The following WDR72 variants were observed in gnomAD, a reference collection of about 807,000 sequenced individuals.
The protein encoded by WDR72 is WD repeat domain 72.
WDR72 carries 120 observed loss-of-function variants against 124.2 expected under a neutral mutation model. That is an observed-to-expected ratio of 0.97 (90% CI 0.83 to 1.12). The LOEUF (loss-of-function observed/expected upper bound fraction) is 1.12, where lower values mean the gene tolerates loss of function less well. WDR72 is among the 50% of genes most tolerant of loss of function. The pLI is 0.00. For synonymous variants in WDR72, 452 were observed against 441.7 expected, an observed-to-expected ratio of 1.02 and a Z score of -0.29; for missense variants, 1,387 against 1,278.8, an observed-to-expected ratio of 1.08 and a Z score of -1.29.
chr15:53,705,226 T>C lies in WDR72; in HGVS notation c.1110A>G (p.Pro370=), dbSNP rs745354247. Residue 370 remains proline, a synonymous_variant, in exon 11 of 20, where the codon CCA becomes CCG. Coordinates refer to ENST00000360509, the MANE Select transcript of WDR72 (RefSeq NM_182758.4). The part of the protein sequence containing the change: ...SKFDGSPREI[P]VTATWTLQDN... ...CTTGAAGAGTCCAGGTGGCAGTTAC[T>C]GGTATCTCTAAAAAGAAAACAGACA... 1.2e-6 allele frequency: 2 copies of C among 1,613,106 alleles called. No individual in the cohort carries two copies. Among genetic ancestry groups the C allele is most frequent in the South Asian group, 1.1e-5 (1 of 91,078 alleles).
At chr15:53,633,474 G>A (rs2014507914) in intron 14 of WDR72, among the ~76,000 whole-genome samples, 2 of 152,028 alleles carry the variant, frequency 1.3e-5, no homozygotes, top group Admixed American at 1.3e-4. Context: ...TTACAGCAGT[G>A]AAAAACCAAC....
chr15:53,578,952 T>A (rs2011770358), intron 18 of WDR72, among the ~76,000 whole-genome samples: 1 of 152,048 alleles, frequency 6.6e-6, no homozygotes, highest in Non-Finnish European at 1.5e-5. Context: ...AAAACCCGAT[T>A]TCATAGCTTT....
intron 1 of WDR72, among the ~76,000 whole-genome samples, chr15:53,747,374 C>T (rs2018668167): frequency 1.3e-5 from 2 of 152,178 alleles, no homozygotes; most frequent in Non-Finnish European, 2.9e-5. Flanking sequence ...CCAACATCAA[C>T]GCCAAGCTCC....
chr15:53,541,744 A>G lies in WDR72; in HGVS notation c.3149-18422T>C, dbSNP rs1389775156. ...AAAGGCAAAGAAGTTGAAAACTTTG[A>G]AAAAAATTTAGAAGAATGTATAACT... On this transcript the variant is annotated intron_variant, in intron 18 of 19. Coordinates refer to ENST00000360509, the MANE Select transcript of WDR72 (RefSeq NM_182758.4). Among the ~76,000 whole-genome samples the G allele has an allele frequency of 3.7e-5, 5 of 136,668 alleles. No individual in the cohort carries two copies. The East Asian group carries it at 1.1e-3, about 29-fold the overall frequency. The allele number at this position is 136,668 out of a possible 152,430, so 89.7% of individuals were successfully genotyped here.
chr15:53,733,191 A>C lies in WDR72; in HGVS notation c.-12-30T>G, dbSNP rs1349160885. On this transcript the variant is annotated intron_variant, in intron 1 of 19. Coordinates refer to ENST00000360509, the MANE Select transcript of WDR72 (RefSeq NM_182758.4). ...CATACAAAGAAGGGAAGAAGCATACATGGTCATCTTTTTGAAATTTGAGGA... is the reference window on the plus strand; with the variant it reads ...CATACAAAGAAGGGAAGAAGCATACCTGGTCATCTTTTTGAAATTTGAGGA... 13 of 1,611,622 alleles carry C rather than the reference A, an allele frequency of 8.1e-6. No individual in the cohort carries two copies. The South Asian group carries it at 1.1e-4, about 14-fold the overall frequency.
chr15:53,742,409 T>A (rs371475104), intron 1 of WDR72, among the ~76,000 whole-genome samples: 1 of 152,178 alleles, frequency 6.6e-6, no homozygotes, highest in African/African-American at 2.4e-5. Flanking sequence ...CTAGACAAGT[T>A]TTAAAGAAGT....
rs369568228 is a variant in WDR72 at position 53,701,559 on chromosome 15, T to TCTCTCTCTCTCTCTCTCTCACACA, written c.1569+574_1569+575insTGTGTGAGAGAGAGAGAGAGAGAG. Among the ~76,000 whole-genome samples, 8 of 120,098 alleles carry TCTCTCTCTCTCTCTCTCTCACACA rather than the reference T, an allele frequency of 6.7e-5. No individual in the cohort carries two copies. In the East Asian group the frequency reaches 1.2e-3, roughly 17 times the overall value. 78.8% of individuals were successfully genotyped at this position (120,098 alleles called of 152,430 possible). A position where few individuals can be genotyped will look rare whatever the true frequency, so the allele number is the denominator to read the frequency against. On this transcript the variant is annotated intron_variant, in intron 12 of 19. Transcript: ENST00000360509. ...CTGTCTCTCTCTCTCTCTCTCTCTC[T>TCTCTCTCTCTCTCTCTCTCACACA]CACACACACACACACACACACACAC...
At chr15:53,697,591 C>T (rs2140515237) in intron 13 of WDR72, among the ~76,000 whole-genome samples, 1 of 152,242 alleles carries the variant, frequency 6.6e-6, no homozygotes, top group African/African-American at 2.4e-5. Context: ...GCTGGAGGCC[C>T]TCACCATCCA....
At chr15:53,747,954 C>T (rs1356019789) in intron 1 of WDR72, among the ~76,000 whole-genome samples, 2 of 150,846 alleles carry the variant, frequency 1.3e-5, no homozygotes, top group Non-Finnish European at 2.9e-5. Context: ...GCTTATACCA[C>T]ATTTAACCCT....
At chr15:53,655,230 C>CAA (rs531072099) in intron 14 of WDR72, among the ~76,000 whole-genome samples, 194 of 54,588 alleles carry the variant, frequency 3.6e-3, no homozygotes, top group African/African-American at 8.4e-3. Flanking sequence ...GATGCCATCT[C>CAA]AAAAAAAAAA....
At chr15:53,525,050 G>A (rs1892030774) in intron 18 of WDR72, among the ~76,000 whole-genome samples, 1 of 152,052 alleles carries the variant, frequency 6.6e-6, no homozygotes, top group African/African-American at 2.4e-5. Context: ...GGTGATGTGG[G>A]TTAGTTTGTG....
intron 18 of WDR72, among the ~76,000 whole-genome samples, chr15:53,541,339 AC>A (rs950602095): frequency 2.4e-4 from 37 of 151,956 alleles, no homozygotes; most frequent in African/African-American, 6.5e-4. Context: ...CTGACCCCTG[AC>A]CCCCGAGCAG....
chr15:53,748,454 T>A lies in WDR72; in HGVS notation c.-13+11179A>T, dbSNP rs1213966844. Reference sequence around the variant, plus strand: ...ATGAGGTTTAATGTACAGGTTATATTTTTAAAATACACATTAAAAGAAATA... The same window carrying A: ...ATGAGGTTTAATGTACAGGTTATATATTTAAAATACACATTAAAAGAAATA... On this transcript the variant is annotated intron_variant, in intron 1 of 19. Coordinates refer to ENST00000360509, the MANE Select transcript of WDR72 (RefSeq NM_182758.4). 5.3e-5 allele frequency among the ~76,000 whole-genome samples: 8 copies of A among 152,314 alleles called. No individual in the cohort carries two copies. The South Asian group carries it at 1.7e-3, about 32-fold the overall frequency.
chr15:53,721,559 T>C (rs2017877027), intron 3 of WDR72, among the ~76,000 whole-genome samples: 1 of 152,166 alleles, frequency 6.6e-6, no homozygotes, highest in Admixed American at 6.5e-5. Flanking sequence ...GTTCAATCCC[T>C]CTAAATATTA....
At chr15:53,643,187 T>G (rs1000114559) in intron 14 of WDR72, among the ~76,000 whole-genome samples, 7 of 152,146 alleles carry the variant, frequency 4.6e-5, no homozygotes, top group Admixed American at 6.6e-5. Flanking sequence ...TTAGAACTAT[T>G]TAGCCTAAAT....
At chr15:53,757,979 C>T (rs1475503837) in intron 1 of WDR72, among the ~76,000 whole-genome samples, 3 of 10,104 alleles carry the variant, frequency 3.0e-4, no homozygotes, top group African/African-American at 3.1e-4. Context: ...AGTTTATTTT[C>T]TCTCTCTCTC....
chr15:53,517,353 G>A lies in WDR72; in HGVS notation c.*346C>T. ...AACATTGTTTATTATATAATTCAGG[G>A]ACTAAAAGGATAGGAGAAAATTTAA... On this transcript the variant is annotated 3_prime_UTR_variant, in exon 20 of 20. Transcript: ENST00000360509. The A allele has an allele frequency of 6.7e-6, 2 of 299,484 alleles. No individual in the cohort carries two copies. The highest frequency in any genetic ancestry group is 7.2e-5 in the South Asian group (2 of 27,928). The allele number at this position is 299,484 out of a possible 1,614,324, so 18.6% of individuals were successfully genotyped here. A position where few individuals can be genotyped will look rare whatever the true frequency, so the allele number is the denominator to read the frequency against.
At chr15:53,686,917 C>G (rs1401273422) in intron 13 of WDR72, among the ~76,000 whole-genome samples, 4 of 151,756 alleles carry the variant, frequency 2.6e-5, no homozygotes, top group African/African-American at 9.7e-5. Flanking sequence ...TCACTCAAAA[C>G]CACTCAAATA....
intron 18 of WDR72, among the ~76,000 whole-genome samples, chr15:53,528,171 G>A (rs1892230593): frequency 6.6e-6 from 1 of 152,064 alleles, no homozygotes; most frequent in South Asian, 2.1e-4. Flanking sequence ...CAGTTTACAA[G>A]TGGCATCTCT....
Sources: gnomAD v4.1 joint callset for allele counts (sites outside exome capture counted in the v4.1 genomes callset) on GRCh38, gnomAD v4.1.1 for gene constraint, MANE v1.5 for transcripts, NCBI Gene and HGNC (gene_info 2026-07-23, HGNC 2026-07-21) for gene names.